MITF: variants seen among roughly 807,000 people sequenced by gnomAD.
The protein encoded by MITF is melanocyte inducing transcription factor.
MITF carries 17 observed loss-of-function variants against 60.5 expected under a neutral mutation model. The ratio of observed to expected loss-of-function variants is 0.28; its 90% CI spans 0.19 to 0.42. The LOEUF (loss-of-function observed/expected upper bound fraction) is 0.42. MITF is among the 10% of genes least tolerant of loss of function. The probability of loss-of-function intolerance (pLI) is 1.00; values close to 1 mark genes in which losing one functional copy is unlikely to be tolerated. For synonymous variants in MITF, 260 were observed against 248.5 expected (o/e 1.05, Z -0.43); for missense variants, 622 against 683.5 (o/e 0.91, Z 1.00).
At position 69,968,312 on chromosome 3, in the gene MITF, A is replaced by G. The variant is rs373154216; in HGVS notation, c.*3064A>G. ...TAATCGACTTGTTCTTGATAGCCTC[A>G]TTAAAGCATTTGGTTTTTCACATAG... On this transcript the variant is annotated 3_prime_UTR_variant, in exon 10 of 10. Transcript: ENST00000352241. The G allele has an allele frequency of 4.4e-6, 1 of 227,936 alleles. No individual in the cohort carries two copies. 14.1% of individuals were successfully genotyped at this position (227,936 alleles called of 1,614,324 possible). A position where few individuals can be genotyped will look rare whatever the true frequency, so the allele number is the denominator to read the frequency against.
chr3:69,749,274 C>G (rs1703841354), intron 1 of MITF, among the ~76,000 whole-genome samples: 1 of 152,150 alleles, frequency 6.6e-6, no homozygotes, highest in Non-Finnish European at 1.5e-5. Flanking sequence ...TGTCATTGGT[C>G]AAATTGTAAC....
chr3:69,825,763 G>A (rs2063344207), intron 1 of MITF, among the ~76,000 whole-genome samples: 1 of 152,096 alleles, frequency 6.6e-6, no homozygotes, highest in South Asian at 2.1e-4. Context: ...TTGAGATGGG[G>A]AAACTGACCA....
intron 1 of MITF, among the ~76,000 whole-genome samples, chr3:69,841,170 C>G (rs1017729923): frequency 2.6e-5 from 4 of 152,220 alleles, no homozygotes; most frequent in African/African-American, 9.6e-5. Flanking sequence ...CAAGACTAGG[C>G]TTAAGTACAT....
At chr3:69,831,494 T>G (rs560192442) in intron 1 of MITF, among the ~76,000 whole-genome samples, 15 of 152,184 alleles carry the variant, frequency 9.9e-5, no homozygotes, top group Non-Finnish European at 2.2e-4. Context: ...TGCAATTTTT[T>G]TGTTTGACTA....
chr3:69,897,328 A>G (rs1045148249), intron 2 of MITF, among the ~76,000 whole-genome samples: 5 of 152,192 alleles, frequency 3.3e-5, no homozygotes, highest in Non-Finnish European at 5.9e-5. Flanking sequence ...GTAAGAAGAA[A>G]GCACTGGTTA....
chr3:69,837,861 T>G (rs760034907), intron 1 of MITF, among the ~76,000 whole-genome samples: 1 of 152,224 alleles, frequency 6.6e-6, no homozygotes, highest in Non-Finnish European at 1.5e-5. Context: ...ATTATCTCTA[T>G]AAAATCTGGA....
At chr3:69,795,691 A>C (rs1221723575) in intron 1 of MITF, among the ~76,000 whole-genome samples, 2 of 152,138 alleles carry the variant, frequency 1.3e-5, no homozygotes, top group Non-Finnish European at 2.9e-5. Flanking sequence ...GCACCATTGC[A>C]CTCCTGCCTG....
At chr3:69,741,263 C>T (rs561719659) in intron 1 of MITF, among the ~76,000 whole-genome samples, 4 of 152,068 alleles carry the variant, frequency 2.6e-5, no homozygotes, top group Non-Finnish European at 5.9e-5. Context: ...TATCTGCATT[C>T]GGCTGAAGGG....
intron 5 of MITF, among the ~76,000 whole-genome samples, chr3:69,947,085 C>T (rs1460809650): frequency 6.6e-6 from 1 of 152,164 alleles, no homozygotes; most frequent in Non-Finnish European, 1.5e-5. Context: ...AGATGTGTAT[C>T]AGTTGCTATT....
intron 1 of MITF, among the ~76,000 whole-genome samples, chr3:69,801,907 G>A (rs1197462586): frequency 6.6e-6 from 1 of 152,144 alleles, no homozygotes; most frequent in Non-Finnish European, 1.5e-5. Flanking sequence ...TTGTAGTGAG[G>A]ATTGGAGGGA....
At chr3:69,751,016 A>T (rs909827881) in intron 1 of MITF, among the ~76,000 whole-genome samples, 2 of 152,152 alleles carry the variant, frequency 1.3e-5, no homozygotes, top group Non-Finnish European at 2.9e-5. Context: ...TGAGTGACTT[A>T]GAGTTAACCT....
At chr3:69,832,427 G>A (rs1201322666) in intron 1 of MITF, among the ~76,000 whole-genome samples, 7 of 152,176 alleles carry the variant, frequency 4.6e-5, no homozygotes, top group Non-Finnish European at 1.0e-4. Context: ...TAGACCTTGG[G>A]CAAGATCTTC....
At chr3:69,752,133 A>G (rs911954152) in intron 1 of MITF, 3 of 152,206 alleles carry the variant, frequency 2.0e-5, no homozygotes, top group Non-Finnish European at 4.4e-5. Flanking sequence ...CCATGGAACC[A>G]TGAGTGAATT....
chr3:69,749,561 G>A (rs1329545119), intron 1 of MITF, among the ~76,000 whole-genome samples: 1 of 152,316 alleles, frequency 6.6e-6, no homozygotes, highest in South Asian at 2.1e-4. Context: ...TACTTTCAAG[G>A]GAAGAGGGTG....
intron 1 of MITF, among the ~76,000 whole-genome samples, chr3:69,787,146 C>A (rs903339238): frequency 2.6e-5 from 4 of 152,142 alleles, no homozygotes; most frequent in African/African-American, 9.7e-5. Context: ...TTCTTATTGG[C>A]CACACTTAAG....
intron 7 of MITF, among the ~76,000 whole-genome samples, chr3:69,953,659 A>G (rs2066318897): frequency 1.4e-5 from 2 of 139,754 alleles, no homozygotes; most frequent in African/African-American, 2.6e-5. Flanking sequence ...ATATATATAT[A>G]TATAGAGAGA....
At chr3:69,845,833 T>G (rs532926223) in intron 1 of MITF, among the ~76,000 whole-genome samples, 2 of 152,322 alleles carry the variant, frequency 1.3e-5, no homozygotes, top group East Asian at 3.9e-4. Context: ...CTGAATTGGC[T>G]TTTCTTTAAT....
intron 1 of MITF, among the ~76,000 whole-genome samples, chr3:69,777,706 G>T (rs1454124797): frequency 6.6e-6 from 1 of 152,142 alleles, no homozygotes; most frequent in East Asian, 1.9e-4. Flanking sequence ...GACAAGTCAA[G>T]TTATCCCATC....
chr3:69,786,423 G>T (rs1369231091), intron 1 of MITF, among the ~76,000 whole-genome samples: 1 of 152,006 alleles, frequency 6.6e-6, no homozygotes, highest in African/African-American at 2.4e-5. Context: ...GAAGTTCAAG[G>T]TCTTCATAAT....
Sources: gnomAD v4.1 joint callset for allele counts (sites outside exome capture counted in the v4.1 genomes callset) on GRCh38, gnomAD v4.1.1 for gene constraint, MANE v1.5 for transcripts, NCBI Gene and HGNC (gene_info 2026-07-23, HGNC 2026-07-21) for gene names.